The following SYNCRIP variants were observed in gnomAD, a reference collection of about 807,000 sequenced individuals.
SYNCRIP encodes the protein synaptotagmin binding cytoplasmic RNA interacting protein, also known as heterogeneous nuclear ribonucleoprotein Q.
A neutral mutation model predicts 68.9 loss-of-function variants in SYNCRIP; 9 were observed. That is an observed-to-expected ratio of 0.13 (90% CI 0.08 to 0.23). SYNCRIP has a LOEUF of 0.23. Ranked by LOEUF, SYNCRIP falls within the 10% of genes least tolerant of loss-of-function variation. The pLI, the probability that SYNCRIP is intolerant of heterozygous loss-of-function variation, is 1.00. For missense variants in SYNCRIP, 414 were observed against 770.6 expected, an observed-to-expected ratio of 0.54 and a Z score of 5.48; for synonymous variants, 258 against 254.0, an observed-to-expected ratio of 1.02 and a Z score of -0.15.
In SYNCRIP at chr6:85,641,678, C is replaced by T. The variant is rs541609287; in HGVS notation, c.-12-227G>A. On this transcript the variant is annotated intron_variant, in intron 1 of 10. Coordinates refer to ENST00000369622, the MANE Select transcript of SYNCRIP (RefSeq NM_006372.5). ...CTCAGCACCACCCCTGACTCACCTGCTAACACTCCCTAGGAAAAACCATAT... is the reference window on the plus strand; with the variant it reads ...CTCAGCACCACCCCTGACTCACCTGTTAACACTCCCTAGGAAAAACCATAT... Among the ~76,000 whole-genome samples the T allele has an allele frequency of 1.1e-4, 16 of 152,250 alleles. No individual in the cohort carries two copies. The South Asian group carries it at 1.9e-3, about 18-fold the overall frequency.
At chr6:85,641,497 A>C in intron 1 of SYNCRIP, 46 bp from the exon 2 acceptor site, 2 of 1,560,446 alleles carry the variant, frequency 1.3e-6, no homozygotes, top group Non-Finnish European at 1.7e-6. Context: ...CTTCAAAAAG[A>C]ATACAAGACA....
chr6:85,611,264 GAC>G (rs1479454542), downstream of SYNCRIP: 1 of 152,138 alleles, frequency 6.6e-6, no homozygotes, highest in Non-Finnish European at 1.5e-5. Flanking sequence ...TTATATTAAT[GAC>G]ACATAAAAAA....
At chr6:85,613,864 G>A (rs771978262), downstream of SYNCRIP, 3 of 621,334 alleles carry the variant, frequency 4.8e-6, no homozygotes, top group Non-Finnish European at 6.0e-6. Context: ...TTAGGCAACT[G>A]AAAGTGGACT....
chr6:85,637,373 G>A lies in SYNCRIP; in HGVS notation c.376-17C>T, dbSNP rs201323913. 1.8e-5 allele frequency: 28 copies of A among 1,521,666 alleles called. No individual in the cohort carries two copies. The highest frequency in any genetic ancestry group is 2.1e-4 in the Middle Eastern group (1 of 4,826). The allele number at this position is 1,521,666 out of a possible 1,614,324, so 94.3% of individuals were successfully genotyped here. On this transcript the variant is annotated splice_polypyrimidine_tract_variant and intron_variant, in intron 4 of 10. Transcript: ENST00000369622. ...CAAGAGTGCCTTGAAAAGTTCAAAC[G>A]TCATTAATACATTTAATTCACTAGA... is the stretch of plus-strand genomic sequence containing the variant.
intron 1 of SYNCRIP, among the ~76,000 whole-genome samples, chr6:85,642,545 C>A (rs1459997523): frequency 6.6e-6 from 1 of 152,182 alleles, no homozygotes; most frequent in Non-Finnish European, 1.5e-5. Flanking sequence ...GCGGTCCGTG[C>A]GGGCCACGGG....
chr6:85,642,628 T>G (rs900796149), intron 1 of SYNCRIP, among the ~76,000 whole-genome samples, 169 bp downstream of exon 1: 1 of 152,142 alleles, frequency 6.6e-6, no homozygotes, highest in Non-Finnish European at 1.5e-5. Context: ...AAGGAGGAAG[T>G]GGCGGCGCGG....
intron 6 of SYNCRIP, among the ~76,000 whole-genome samples, chr6:85,626,164 C>A (rs1184553422): frequency 2.0e-5 from 3 of 152,234 alleles, no homozygotes; most frequent in Non-Finnish European, 2.9e-5. Context: ...AGAGCTATGG[C>A]TGAATCCATC....
intron 6 of SYNCRIP, among the ~76,000 whole-genome samples, chr6:85,629,650 C>T (rs1429039706): frequency 6.6e-6 from 1 of 151,854 alleles, no homozygotes; most frequent in African/African-American, 2.4e-5. Context: ...GGTGAAACCC[C>T]ATCTCTACTA....
chr6:85,619,635 A>C lies in SYNCRIP; in HGVS notation c.1009-218T>G, dbSNP rs189258080. Among the ~76,000 whole-genome samples, 166 of 152,350 alleles carry C rather than the reference A, an allele frequency of 1.1e-3. 2 individuals carry two copies. Among genetic ancestry groups the C allele is most frequent in the Admixed American group, 0.011 (164 of 15,302 alleles). The stretch of plus-strand genomic sequence containing the variant: ...AAATAGATGCTTTGCCAAAAAAGAT[A>C]TACAGATGGCAAAGAATCTCATGAA... On this transcript the variant is annotated intron_variant, in intron 8 of 10. Coordinates refer to ENST00000369622, the MANE Select transcript of SYNCRIP (RefSeq NM_006372.5).
At chr6:85,619,521 A>G in intron 8 of SYNCRIP, 104 bp from the exon 9 acceptor site, 1 of 1,025,660 alleles carries the variant, frequency 9.7e-7, no homozygotes, top group Non-Finnish European at 1.4e-6. Context: ...ATCCATTAGA[A>G]GAATGTCAGA....
In SYNCRIP at chr6:85,614,227, G is replaced by T; in HGVS notation, c.*529C>A. 1 of 985,648 alleles carries T rather than the reference G, an allele frequency of 1.0e-6. No individual in the cohort carries two copies. The highest frequency in any genetic ancestry group is 5.2e-4 in the Middle Eastern group (1 of 1,914). 61.1% of individuals were successfully genotyped at this position (985,648 alleles called of 1,614,324 possible). A position where few individuals can be genotyped will look rare whatever the true frequency, so the allele number is the denominator to read the frequency against. On this transcript the variant is annotated 3_prime_UTR_variant, in exon 11 of 11. Coordinates refer to ENST00000369622, the MANE Select transcript of SYNCRIP (RefSeq NM_006372.5). Reference sequence around the variant, plus strand: ...TTTTAGTAAGTATACATTTAGGTGTGAATTTTTTATTGAAATAAACAACAG... The same window carrying T: ...TTTTAGTAAGTATACATTTAGGTGTTAATTTTTTATTGAAATAAACAACAG...
chr6:85,619,931 T>C (rs1806199440), intron 8 of SYNCRIP, among the ~76,000 whole-genome samples: 1 of 152,160 alleles, frequency 6.6e-6, no homozygotes, highest in Non-Finnish European at 1.5e-5. Context: ...GAGAGAGATG[T>C]TAATAGCAGC....
intron 6 of SYNCRIP, among the ~76,000 whole-genome samples, chr6:85,630,902 T>G (rs1320152725): frequency 6.6e-6 from 1 of 152,208 alleles, no homozygotes; most frequent in East Asian, 1.9e-4. Context: ...CAAAATCTAT[T>G]TTATCATTCT....
Position 85,620,589 on chromosome 6 carries a change from T to C in SYNCRIP, c.1009-1172A>G, listed in dbSNP as rs1806278026. Among the ~76,000 whole-genome samples the C allele has an allele frequency of 1.3e-5, 2 of 152,336 alleles. 1 individual carries two copies. Among genetic ancestry groups the C allele is most frequent in the Middle Eastern group, 6.8e-3 (2 of 294 alleles). On this transcript the variant is annotated intron_variant, in intron 8 of 10. Transcript: ENST00000369622. The stretch of plus-strand genomic sequence containing the variant: ...TAATACTATGATGGAAACACGGTTA[T>C]ACATTTCTCCAAACCCACAGAACAT...
chr6:85,611,414 T>A (rs1338909198), downstream of SYNCRIP: 1 of 152,566 alleles, frequency 6.6e-6, no homozygotes, highest in African/African-American at 2.4e-5. Context: ...CTTGTTAAAT[T>A]TGCATTTACT....
chr6:85,640,506 A>G lies in SYNCRIP; in HGVS notation c.207T>C (p.Asn69=). The change falls in exon 3 of 11, where the codon AAT becomes AAC. Residue 69 remains asparagine, a synonymous_variant. Transcript: ENST00000369622. ...ERAIEALKEF[N]EDGALAVLQQ... ...GAAGAACTGCCAATGCACCGTCTTC[A>G]TTGAATTCTTTTAAAGCTTCAATAG... is the stretch of plus-strand genomic sequence containing the variant. 1.2e-6 allele frequency: 2 copies of G among 1,609,962 alleles called. No individual in the cohort carries two copies. Among genetic ancestry groups the G allele is most frequent in the Non-Finnish European group, 1.7e-6 (2 of 1,178,804 alleles).
chr6:85,616,277 TGAAG>T (rs1295046868), intron 10 of SYNCRIP, among the ~76,000 whole-genome samples: 9 of 152,200 alleles, frequency 5.9e-5, no homozygotes, highest in African/African-American at 2.2e-4. Flanking sequence ...TAATCCCTCT[TGAAG>T]GAATAATTTA....
intron 6 of SYNCRIP, among the ~76,000 whole-genome samples, chr6:85,627,036 C>A (rs944767094): frequency 1.3e-5 from 2 of 152,086 alleles, no homozygotes; most frequent in African/African-American, 2.4e-5. Context: ...GAGGCTGAGG[C>A]GGGCGAATTG....
At chr6:85,622,443 T>C (rs1806527506) in intron 8 of SYNCRIP, 39 bp downstream of exon 8, 1 of 1,591,432 alleles carries the variant, frequency 6.3e-7, no homozygotes, top group Admixed American at 1.7e-5. Context: ...CTTCTCCCAT[T>C]AATCCCTCAA....
Sources: allele counts gnomAD v4.1 joint callset (sites outside exome capture counted in the v4.1 genomes callset), GRCh38; gene constraint gnomAD v4.1.1; transcripts MANE v1.5; gene names NCBI Gene and HGNC (gene_info 2026-07-23, HGNC 2026-07-21).